The following PCDHGA10 variants were observed in gnomAD, a reference collection of about 807,000 sequenced individuals.
PCDHGA10 encodes the protein protocadherin gamma subfamily A, 10, also known as protocadherin gamma-A10.
Under a neutral mutation model 59.5 loss-of-function variants are expected in PCDHGA10, and 42 were observed. The ratio of observed to expected loss-of-function variants is 0.71; its 90% confidence interval spans 0.55 to 0.91. PCDHGA10 has a LOEUF of 0.91. Ranked by LOEUF, PCDHGA10 falls within the 40% of genes least tolerant of loss-of-function variation. PCDHGA10 has a pLI of 0.00. For synonymous variants in PCDHGA10, 511 were observed against 517.2 expected, an observed-to-expected ratio of 0.99 and a Z score of 0.16; for missense variants, 1,111 against 1,198.2, an observed-to-expected ratio of 0.93 and a Z score of 1.07.
At chr5:141,435,058 A>G (rs1161891073) in intron 1 of PCDHGA10, among the ~76,000 whole-genome samples, 3 of 152,234 alleles carry the variant, frequency 2.0e-5, no homozygotes, top group East Asian at 3.9e-4. Flanking sequence ...ACCATGCAGC[A>G]GTTTTGTGTA....
chr5:141,413,021 C>A lies in PCDHGA10; in HGVS notation c.-155C>A. 2 of 714,374 alleles carry A rather than the reference C, an allele frequency of 2.8e-6. No homozygotes were observed. The highest frequency in any genetic ancestry group is 4.4e-6 in the Non-Finnish European group (2 of 452,548). The allele number at this position is 714,374 out of a possible 1,614,324, so 44.3% of individuals were successfully genotyped here. ...TCTCAGGGCTTCAACTACACAAGCC[C>A]CACAAACCGGCTGCTGGGCTGCAGG... On this transcript the variant is annotated 5_prime_UTR_variant, in exon 1 of 4. Coordinates refer to ENST00000398610, the MANE Select transcript of PCDHGA10 (RefSeq NM_018913.3).
intron 1 of PCDHGA10, chr5:141,427,818 G>T: frequency 6.5e-7 from 1 of 1,530,644 alleles, no homozygotes; most frequent in Non-Finnish European, 9.0e-7. Flanking sequence ...GAGCGGGGTG[G>T]TGGTCGCGCA....
rs780241180 is a variant in PCDHGA10, at chr5:141,490,819, C to A, written c.2437-3988C>A. On this transcript the variant is annotated intron_variant, in intron 1 of 3. Transcript: ENST00000398610. The surrounding 1 kb of genome is among the most constrained non-coding windows in gnomAD (Gnocchi z 5.4). ...CCAGCGTACCTTTGACTATGAATTGCTGCAGATGCTGCAGATTGTGGTGGG... is the reference window on the plus strand; with the variant it reads ...CCAGCGTACCTTTGACTATGAATTGATGCAGATGCTGCAGATTGTGGTGGG... 3 of 1,613,842 alleles carry A rather than the reference C, an allele frequency of 1.9e-6. No individual in the cohort carries two copies. The highest frequency in any genetic ancestry group is 2.5e-6 in the Non-Finnish European group (3 of 1,179,804).
rs1190445239 is a variant in PCDHGA10 at position 141,431,331 on chromosome 5, A to T, written c.2436+15720A>T. 1 of 1,614,062 alleles carries T rather than the reference A, an allele frequency of 6.2e-7. No individual in the cohort carries two copies. The highest frequency in any genetic ancestry group is 1.7e-5 in the Admixed American group (1 of 60,026). On this transcript the variant is annotated intron_variant, in intron 1 of 3. Coordinates refer to ENST00000398610, the MANE Select transcript of PCDHGA10 (RefSeq NM_018913.3). The surrounding 1 kb of genome is among the most constrained non-coding windows in gnomAD (Gnocchi z 4.8). ...CAAAATGGAGCCGACGGTAGTAAGT[A>T]CCCCGAATTGGTGCTGAAACGCGCC...
chr5:141,419,700 C>T, intron 1 of PCDHGA10: 2 of 1,612,974 alleles, frequency 1.2e-6, no homozygotes, highest in Non-Finnish European at 1.7e-6. Context: ...GCCAGTGAGC[C>T]CGGGCTCTTC....
At position 141,486,804 on chromosome 5, in the gene PCDHGA10, C is replaced by G. The variant is rs755001457; in HGVS notation, c.2437-8003C>G. On this transcript the variant is annotated intron_variant, in intron 1 of 3. Transcript: ENST00000398610. This position sits in a 1 kb window ranked among gnomAD's most constrained non-coding sequence, Gnocchi z 5.0. ...CAGGCCCGGGATCGGGGCAACCCAC[C>G]CCTTAGCAGCACTGTAACAGTTCGT... 2 of 1,614,232 alleles carry G rather than the reference C, an allele frequency of 1.2e-6. No homozygotes were observed. The highest frequency in any genetic ancestry group is 3.3e-5 in the Admixed American group (2 of 60,032).
rs151119016 is a variant in PCDHGA10, at chr5:141,489,949, G to C, written c.2437-4858G>C. On this transcript the variant is annotated intron_variant, in intron 1 of 3. Transcript: ENST00000398610. The surrounding 1 kb of genome is among the most constrained non-coding windows in gnomAD (Gnocchi z 4.5). ...CTCTGTCATCGTGCTGGACATCAAT[G>C]ATAATGCTCCAACCTTCCAATCCTC... is the stretch of plus-strand genomic sequence containing the variant. 1 of 1,614,198 alleles carries C rather than the reference G, an allele frequency of 6.2e-7. No individual in the cohort carries two copies. Among genetic ancestry groups the C allele is most frequent in the Non-Finnish European group, 8.5e-7 (1 of 1,180,028 alleles).
chr5:141,481,970 A>G (rs2099549884), intron 1 of PCDHGA10, among the ~76,000 whole-genome samples: 1 of 151,510 alleles, frequency 6.6e-6, no homozygotes, highest in Non-Finnish European at 1.5e-5. Flanking sequence ...CTGTAGTCAC[A>G]GCTACTTGGG....
intron 2 of PCDHGA10, 145 bp downstream of exon 2, chr5:141,495,010 G>GT: frequency 6.6e-7 from 1 of 1,516,970 alleles, no homozygotes; most frequent in East Asian, 2.5e-5. Flanking sequence ...GTGTGCGGGG[G>GT]GCTGGCACAC....
At chr5:141,417,770 T>G in intron 1 of PCDHGA10, 1 of 1,456,418 alleles carries the variant, frequency 6.9e-7, no homozygotes, top group Non-Finnish European at 9.1e-7. Context: ...CCGGGACTCC[T>G]CCTGTCCTGG....
chr5:141,447,430 A>G (rs960560239), intron 1 of PCDHGA10, among the ~76,000 whole-genome samples: 9 of 152,156 alleles, frequency 5.9e-5, no homozygotes, highest in African/African-American at 2.2e-4. Flanking sequence ...GAGCCACCGC[A>G]CCCGGAGGAA....
chr5:141,487,361 A>C lies in PCDHGA10; in HGVS notation c.2437-7446A>C. On this transcript the variant is annotated intron_variant, in intron 1 of 3. Transcript: ENST00000398610. This position sits in a 1 kb window ranked among gnomAD's most constrained non-coding sequence, Gnocchi z 5.0. ...TGGAGTCACATGCTTTCCTGCTGGC[A>C]CCTGTGCCTGTCTCACCAGATCTCG... The C allele has an allele frequency of 1.2e-6, 2 of 1,613,834 alleles. No individual in the cohort carries two copies. Among genetic ancestry groups the C allele is most frequent in the East Asian group, 2.2e-5 (1 of 44,860 alleles).
chr5:141,510,359 T>A (rs1229932307), intron 3 of PCDHGA10, among the ~76,000 whole-genome samples: 3 of 143,318 alleles, frequency 2.1e-5, no homozygotes, highest in African/African-American at 7.7e-5. Flanking sequence ...CTAACGGAAC[T>A]ACCGAATCTC....
In PCDHGA10 at chr5:141,486,885, G is replaced by C. The variant is rs139638334; in HGVS notation, c.2437-7922G>C. 1.2e-6 allele frequency: 2 copies of C among 1,614,076 alleles called. No individual in the cohort carries two copies. Among genetic ancestry groups the C allele is most frequent in the East Asian group, 4.5e-5 (2 of 44,892 alleles). On this transcript the variant is annotated intron_variant, in intron 1 of 3. Coordinates refer to ENST00000398610, the MANE Select transcript of PCDHGA10 (RefSeq NM_018913.3). This position sits in a 1 kb window ranked among gnomAD's most constrained non-coding sequence, Gnocchi z 5.0. ...CCAGCTGTGCTCCGTCCTCGGGCCC[G>C]GCCTGGTTCCTTATGTCCCCAAGCA...
intron 3 of PCDHGA10, 48 bp downstream of exon 3, chr5:141,505,529 T>C (rs1479433990): frequency 1.9e-6 from 3 of 1,612,066 alleles, no homozygotes; most frequent in Non-Finnish European, 2.5e-6. Context: ...CCTGGGGTTC[T>C]GGGGTGCATC....
chr5:141,430,686 C>G, intron 1 of PCDHGA10: 1 of 1,397,218 alleles, frequency 7.2e-7, no homozygotes, highest in Non-Finnish European at 9.5e-7. Context: ...CTGTCCCATT[C>G]TATGGGCGAA....
At position 141,487,905 on chromosome 5, in the gene PCDHGA10, G is replaced by A. The variant is rs1305989274; in HGVS notation, c.2437-6902G>A. The A allele has an allele frequency of 2.9e-6, 2 of 686,270 alleles. No individual in the cohort carries two copies. The highest frequency in any genetic ancestry group is 3.6e-5 in the African/African-American group (2 of 55,348). The allele number at this position is 686,270 out of a possible 1,614,324, so 42.5% of individuals were successfully genotyped here. ...GTGGAAGCATGATGATGGAATGTGG[G>A]AGCACAGGAGGCTACAGTGCACAGG... On this transcript the variant is annotated intron_variant, in intron 1 of 3. Coordinates refer to ENST00000398610, the MANE Select transcript of PCDHGA10 (RefSeq NM_018913.3). This position sits in a 1 kb window ranked among gnomAD's most constrained non-coding sequence, Gnocchi z 5.0.
chr5:141,425,812 G>GA (rs574320012), intron 1 of PCDHGA10, among the ~76,000 whole-genome samples: 9 of 152,054 alleles, frequency 5.9e-5, no homozygotes, highest in South Asian at 4.1e-4. Flanking sequence ...CTTCTGCTTA[G>GA]AAAAAAACAA....
In PCDHGA10 at chr5:141,432,872, C is replaced by G; in HGVS notation, c.2436+17261C>G. 4 of 1,614,192 alleles carry G rather than the reference C, an allele frequency of 2.5e-6. No individual in the cohort carries two copies. The highest frequency in any genetic ancestry group is 3.4e-6 in the Non-Finnish European group (4 of 1,180,018). ...GGTGGCCGCGGTCTCCTGCGTCTTCCTGGCCTTCGTCATCTTGCTGCTGGC... is the reference window on the plus strand; with the variant it reads ...GGTGGCCGCGGTCTCCTGCGTCTTCGTGGCCTTCGTCATCTTGCTGCTGGC... On this transcript the variant is annotated intron_variant, in intron 1 of 3. Coordinates refer to ENST00000398610, the MANE Select transcript of PCDHGA10 (RefSeq NM_018913.3). The surrounding 1 kb of genome is among the most constrained non-coding windows in gnomAD (Gnocchi z 6.0).
Sources: allele counts gnomAD v4.1 joint callset (sites outside exome capture counted in the v4.1 genomes callset), GRCh38; gene constraint gnomAD v4.1.1; non-coding constraint Gnocchi (gnomAD v3.1); transcripts MANE v1.5; gene names NCBI Gene and HGNC (gene_info 2026-07-23, HGNC 2026-07-21).